RSF1: variants seen among roughly 807,000 people sequenced by gnomAD.
RSF1 encodes the protein HBV pX-associated protein 8.
RSF1 carries 13 observed loss-of-function variants against 145.2 expected under a neutral mutation model. The observed-to-expected ratio is 0.09, with a 90% confidence interval of 0.06 to 0.14. The LOEUF (loss-of-function observed/expected upper bound fraction) is 0.14, where lower values mean the gene tolerates loss of function less well. Among genes scored for constraint, RSF1 ranks in the 10% least tolerant of loss-of-function variants. RSF1 has a pLI of 1.00. For synonymous variants in RSF1, 577 were observed against 592.6 expected (o/e 0.97, Z 0.38); for missense variants, 1,517 against 1,718.2 (o/e 0.88, Z 2.07).
chr11:77,864,355 G>A, the RSF1 span, among the ~76,000 whole-genome samples: 2 of 151,796 alleles, frequency 1.3e-5, no homozygotes, highest in East Asian at 2.0e-4. Flanking sequence ...AGGGAGAATC[G>A]CTTGAACCCG....
intron 1 of RSF1, among the ~76,000 whole-genome samples, chr11:77,781,032 C>A (rs1472451534): frequency 1.3e-5 from 2 of 152,012 alleles, no homozygotes; most frequent in African/African-American, 4.8e-5. Context: ...CATTTTTTAA[C>A]GTCAGTGTCC....
At chr11:77,744,210 G>C (rs1047510630) in intron 3 of RSF1, among the ~76,000 whole-genome samples, 2 of 152,140 alleles carry the variant, frequency 1.3e-5, no homozygotes, top group South Asian at 2.1e-4. Context: ...TGTACTTTTA[G>C]TAGAGATGTG....
At chr11:77,684,175 G>T (rs1226781840) in intron 10 of RSF1, among the ~76,000 whole-genome samples, 1 of 152,110 alleles carries the variant, frequency 6.6e-6, no homozygotes, top group Non-Finnish European at 1.5e-5. Context: ...AGAAGAAAGG[G>T]GTTGCTACTC....
At chr11:77,797,969 C>T (rs906070834) in intron 1 of RSF1, among the ~76,000 whole-genome samples, 1 of 152,156 alleles carries the variant, frequency 6.6e-6, no homozygotes, top group Non-Finnish European at 1.5e-5. Context: ...CCATCTCACG[C>T]CAGTTAGAAT....
chr11:77,754,762 A>C (rs184728803), intron 2 of RSF1, among the ~76,000 whole-genome samples: 321 of 151,950 alleles, frequency 2.1e-3, no homozygotes, highest in African/African-American at 6.9e-3. Context: ...AAAACCCCCA[A>C]AAAACAAAAA....
the RSF1 span, among the ~76,000 whole-genome samples, chr11:77,830,606 G>T: frequency 1.3e-5 from 2 of 151,568 alleles, no homozygotes; most frequent in Non-Finnish European, 2.9e-5. Context: ...ATACTCTTTT[G>T]TCTCTTGTCT....
Position 77,785,894 on chromosome 11 carries a change from C to T in RSF1, c.188-21205G>A, listed in dbSNP as rs375009846. ...CGAGCCGAGATCGCGCCACTGCACT[C>T]CAACCTGGGCGACAGAGTGAGATTC... On this transcript the variant is annotated intron_variant, in intron 1 of 15. Coordinates refer to ENST00000308488, the MANE Select transcript of RSF1 (RefSeq NM_016578.4). Among the ~76,000 whole-genome samples, 570 of 119,286 alleles carry T rather than the reference C, an allele frequency of 4.8e-3. 3 individuals carry two copies. Among genetic ancestry groups the T allele is most frequent in the African/African-American group, 0.017 (538 of 31,820 alleles). The allele number at this position is 119,286 out of a possible 152,430, so 78.3% of individuals were successfully genotyped here. A position where few individuals can be genotyped will look rare whatever the true frequency, so the allele number is the denominator to read the frequency against.
At chr11:77,743,452 A>G (rs1395834239) in intron 3 of RSF1, among the ~76,000 whole-genome samples, 1 of 151,886 alleles carries the variant, frequency 6.6e-6, no homozygotes, top group Admixed American at 6.6e-5. Context: ...GGTCAAATTT[A>G]CTCCTAAATA....
At chr11:77,743,006 GCA>G (rs1947958034) in intron 3 of RSF1, among the ~76,000 whole-genome samples, 1 of 152,132 alleles carries the variant, frequency 6.6e-6, no homozygotes, top group Admixed American at 6.5e-5. Context: ...ACTGTCCTTT[GCA>G]CAGTGTGTAA....
At chr11:77,853,529 C>G in the RSF1 span, among the ~76,000 whole-genome samples, 1 of 152,130 alleles carries the variant, frequency 6.6e-6, no homozygotes, top group Admixed American at 6.5e-5. Flanking sequence ...GGCCTCACAC[C>G]AGGCCCCTTC....
At chr11:77,766,138 CAAAA>C (rs58857265) in intron 1 of RSF1, among the ~76,000 whole-genome samples, 1 of 141,480 alleles carries the variant, frequency 7.1e-6, no homozygotes, top group Admixed American at 7.2e-5. Context: ...AATGCTGGAT[CAAAA>C]AAAAAAAAGT....
At chr11:77,721,935 G>C (rs1260924134) in intron 5 of RSF1, among the ~76,000 whole-genome samples, 1 of 152,146 alleles carries the variant, frequency 6.6e-6, no homozygotes, top group Admixed American at 6.5e-5. Context: ...AACTTCGGAG[G>C]GCTGAGGCAA....
At chr11:77,736,208 C>A (rs1200605782) in intron 4 of RSF1, among the ~76,000 whole-genome samples, 1 of 152,244 alleles carries the variant, frequency 6.6e-6, no homozygotes, top group Non-Finnish European at 1.5e-5. Context: ...TTGCTCCTGT[C>A]AAATTCAGTT....
At chr11:77,699,981 A>C (rs1960375286) in intron 6 of RSF1, among the ~76,000 whole-genome samples, 1 of 152,206 alleles carries the variant, frequency 6.6e-6, no homozygotes, top group Non-Finnish European at 1.5e-5. Flanking sequence ...TGAAAAACTC[A>C]CAGAAAAATG....
At chr11:77,823,587 A>C (rs1192953160), upstream of RSF1, among the ~76,000 whole-genome samples, 1 of 134,804 alleles carries the variant, frequency 7.4e-6, no homozygotes, top group Non-Finnish European at 1.5e-5. Flanking sequence ...TTGCCACTGC[A>C]CTCCAGCCTG....
At chr11:77,710,965 A>G (rs915500265) in intron 5 of RSF1, among the ~76,000 whole-genome samples, 40 of 151,788 alleles carry the variant, frequency 2.6e-4, no homozygotes, top group African/African-American at 9.2e-4. Flanking sequence ...GAAATCAACC[A>G]TTTTTCTGAT....
chr11:77,871,001 G>C, the RSF1 span, among the ~76,000 whole-genome samples: 1 of 151,960 alleles, frequency 6.6e-6, no homozygotes, highest in Non-Finnish European at 1.5e-5. Context: ...TTACATCTAG[G>C]GCTTTATATA....
Position 77,701,413 on chromosome 11 carries a change from T to C in RSF1, c.1816A>G (p.Ile606Val), listed in dbSNP as rs201590343. 2.5e-6 allele frequency: 4 copies of C among 1,614,128 alleles called. No individual in the cohort carries two copies. The Admixed American group carries it at 6.7e-5, about 27-fold the overall frequency. The part of the protein sequence containing the change: ...LDKDAQRLSP[I>V]PEEVPKSTLE... ...GTACTCTTTGGAACTTCTTCTGGTA[T>C]TGGACTCAATCTTTGTGCGTCCTTA... is the stretch of plus-strand genomic sequence containing the variant. Residue 606 changes from isoleucine (I) to valine (V), a missense_variant, in exon 6 of 16, where the codon ATA becomes GTA. Physicochemically the swap from Ile to Val is conservative, Grantham distance 29 (BLOSUM62 3). Around this residue, in one of 12 missense-constraint regions of RSF1, gnomAD observed 579 missense variants for 553.5 expected, o/e 1.05. Transcript: ENST00000308488.
At position 77,760,627 on chromosome 11, in the gene RSF1, T is replaced by C. The variant is rs557073512; in HGVS notation, c.279+3971A>G. On this transcript the variant is annotated intron_variant, in intron 2 of 15. Coordinates refer to ENST00000308488, the MANE Select transcript of RSF1 (RefSeq NM_016578.4). ...CATATAAAAATTAAGAGTGTTAATC[T>C]TAATTTACTTTTGAGAAATACAACA... Among the ~76,000 whole-genome samples, 6 of 152,346 alleles carry C rather than the reference T, an allele frequency of 3.9e-5. No homozygotes were observed. In the East Asian group the frequency reaches 1.2e-3, roughly 29 times the overall value.
Sources: gnomAD v4.1 joint callset for allele counts (sites outside exome capture counted in the v4.1 genomes callset) on GRCh38, gnomAD v4.1.1 for gene constraint, gnomAD v4.1.1 regional missense constraint, MANE v1.5 for transcripts, NCBI Gene and HGNC (gene_info 2026-07-23, HGNC 2026-07-21) for gene names.